SMYD1: variants seen among roughly 807,000 people sequenced by gnomAD.
SMYD1 encodes SET and MYND domain containing 1.
In SMYD1, 49 loss-of-function variants were observed where a neutral mutation model predicts 54.0. That is an observed-to-expected ratio of 0.91 (90% CI 0.72 to 1.15). SMYD1 has a LOEUF of 1.15. Among genes scored for constraint, SMYD1 ranks in the 50% most tolerant of loss-of-function variants. SMYD1 has a pLI of 0.00. For synonymous variants in SMYD1, 269 were observed against 234.2 expected, an observed-to-expected ratio of 1.15 and a Z score of -1.36; for missense variants, 653 against 639.6, an observed-to-expected ratio of 1.02 and a Z score of -0.23.
intron 1 of SMYD1, among the ~76,000 whole-genome samples, chr2:88,081,597 A>G (rs1321062962): frequency 1.3e-5 from 2 of 151,944 alleles, no homozygotes; most frequent in Admixed American, 1.3e-4. Context: ...CACCATGCCC[A>G]ACTAATTTCT....
chr2:88,078,612 T>C (rs1674122029), intron 1 of SMYD1, among the ~76,000 whole-genome samples: 4 of 152,172 alleles, frequency 2.6e-5, no homozygotes, highest in African/African-American at 9.7e-5. Context: ...TCAGACTACA[T>C]TTGAAGGAAA....
intron 3 of SMYD1, among the ~76,000 whole-genome samples, chr2:88,088,877 C>T (rs566520328): frequency 6.6e-6 from 1 of 152,162 alleles, no homozygotes; most frequent in South Asian, 2.1e-4. Flanking sequence ...GGGGCGAGAA[C>T]CCGGTGGATG....
intron 3 of SMYD1, among the ~76,000 whole-genome samples, chr2:88,088,503 C>A (rs1674390854): frequency 2.0e-5 from 3 of 152,106 alleles, no homozygotes. Flanking sequence ...GAAGTGAAGA[C>A]CCCTCATCCT....
chr2:88,087,375 G>T (rs2103992421), intron 2 of SMYD1, among the ~76,000 whole-genome samples: 1 of 152,170 alleles, frequency 6.6e-6, no homozygotes, highest in East Asian at 1.9e-4. Flanking sequence ...CCTGGCTCCT[G>T]CCCACACCTC....
At chr2:88,071,922 T>C (rs2919878) in intron 1 of SMYD1, among the ~76,000 whole-genome samples, 130,279 of 151,550 alleles carry the variant, frequency 0.86, 56,096 homozygotes, top group East Asian at 1. Context: ...TAGCATGGGG[T>C]CAAACTGGGA....
At chr2:88,082,595 T>C (rs974005510) in intron 1 of SMYD1, 1 of 154,406 alleles carries the variant, frequency 6.5e-6, no homozygotes, top group South Asian at 2.0e-4. Flanking sequence ...CCCCTGGCAC[T>C]GGCCAGCACA....
intron 5 of SMYD1, among the ~76,000 whole-genome samples, chr2:88,094,153 C>T (rs1428525850): frequency 6.6e-6 from 1 of 152,096 alleles, no homozygotes; most frequent in Non-Finnish European, 1.5e-5. Context: ...GAACAAAATG[C>T]TGTGTGAGAG....
chr2:88,096,848 T>C lies in SMYD1; in HGVS notation c.888+64T>C. On this transcript the variant is annotated intron_variant, in intron 6 of 9. Coordinates refer to ENST00000419482, the MANE Select transcript of SMYD1 (RefSeq NM_198274.4). ...TTCTCCGGGAGCCAGTCACAGGTGG[T>C]TTCACAGCTAATCCGTGTGCCCTGC... 10 of 1,521,074 alleles carry C rather than the reference T, an allele frequency of 6.6e-6. No homozygotes were observed. In the South Asian group the frequency reaches 1.2e-4, roughly 19 times the overall value. The allele number at this position is 1,521,074 out of a possible 1,614,324, so 94.2% of individuals were successfully genotyped here. A position where few individuals can be genotyped will look rare whatever the true frequency, so the allele number is the denominator to read the frequency against.
chr2:88,087,125 C>T (rs935560843), intron 2 of SMYD1, among the ~76,000 whole-genome samples: 2 of 149,162 alleles, frequency 1.3e-5, no homozygotes, highest in South Asian at 4.3e-4. Context: ...ACACACAATG[C>T]AGACACCTAT....
intron 4 of SMYD1, among the ~76,000 whole-genome samples, chr2:88,092,481 C>CA (rs1278601565): frequency 6.6e-6 from 1 of 152,178 alleles, no homozygotes; most frequent in African/African-American, 2.4e-5. Flanking sequence ...AAGTTTCCCC[C>CA]AAAAACTTCC....
intron 7 of SMYD1, 29 bp downstream of exon 7, chr2:88,103,179 G>T (rs1423641526): frequency 6.3e-7 from 1 of 1,596,896 alleles, no homozygotes; most frequent in African/African-American, 1.3e-5. Flanking sequence ...TAGAGGATGG[G>T]GGTAGAAAGG....
Position 88,084,468 on chromosome 2 carries a change from G to A in SMYD1, c.290G>A (p.Gly97Glu). The change falls in exon 2 of 10, where the codon GGG becomes GAG. Residue 97 changes from glycine to glutamate, a missense_variant. Transcript: ENST00000419482. ...GAATGTTCGGCCATCAAGAGATATGGGAAGGTGCCCAATGAGAACATCAGG... is the reference window on the plus strand; with the variant it reads ...GAATGTTCGGCCATCAAGAGATATGAGAAGGTGCCCAATGAGAACATCAGG... ...KNECSAIKRY[G>E]KVPNENIRLA... 6.3e-7 allele frequency: 1 copy of A among 1,595,864 alleles called. No individual in the cohort carries two copies. The highest frequency in any genetic ancestry group is 8.6e-7 in the Non-Finnish European group (1 of 1,165,264).
intron 3 of SMYD1, among the ~76,000 whole-genome samples, chr2:88,088,845 G>C (rs1674399470): frequency 6.6e-6 from 1 of 152,152 alleles, no homozygotes; most frequent in Non-Finnish European, 1.5e-5. Context: ...AGCCAGACGA[G>C]GCCATAAGAG....
intron 3 of SMYD1, among the ~76,000 whole-genome samples, chr2:88,089,519 T>G (rs1347164152): frequency 6.6e-6 from 1 of 151,304 alleles, no homozygotes; most frequent in African/African-American, 2.4e-5. Context: ...AAAAGCCACA[T>G]GGTCAGCTTG....
intron 1 of SMYD1, 74 bp downstream of exon 1, chr2:88,068,075 A>G: frequency 6.6e-7 from 1 of 1,512,576 alleles, no homozygotes; most frequent in South Asian, 1.3e-5. Flanking sequence ...TTTGCTCTCA[A>G]AAATCATCAG....
rs1049428656 is a variant in SMYD1 at position 88,099,329 on chromosome 2, G to T, written c.888+2545G>T. ...TCAAATTCCTGGCCTCAAGTGATCCGCCCGCCTCAGCCTCTTGAAGTGCCG... is the reference window on the plus strand; with the variant it reads ...TCAAATTCCTGGCCTCAAGTGATCCTCCCGCCTCAGCCTCTTGAAGTGCCG... On this transcript the variant is annotated intron_variant, in intron 6 of 9. Coordinates refer to ENST00000419482, the MANE Select transcript of SMYD1 (RefSeq NM_198274.4). Among the ~76,000 whole-genome samples the T allele has an allele frequency of 5.3e-5, 8 of 151,830 alleles. 1 individual carries two copies. The highest frequency in any genetic ancestry group is 1.9e-4 in the African/African-American group (8 of 41,480).
rs1242834923 is a variant in SMYD1 at position 88,111,861 on chromosome 2, C to A, written c.*1349C>A. ...TTGGGGTGTCACCAAGACTTCTACA[C>A]AACCCAGGACTACCATTGACCTCAG... On this transcript the variant is annotated 3_prime_UTR_variant, in exon 10 of 10. Coordinates refer to ENST00000419482, the MANE Select transcript of SMYD1 (RefSeq NM_198274.4). 7.7e-6 allele frequency: 4 copies of A among 517,812 alleles called. No homozygotes were observed. Among genetic ancestry groups the A allele is most frequent in the Non-Finnish European group, 1.4e-5 (4 of 289,198 alleles). The allele number at this position is 517,812 out of a possible 1,614,324, so 32.1% of individuals were successfully genotyped here. A position where few individuals can be genotyped will look rare whatever the true frequency, so the allele number is the denominator to read the frequency against.
chr2:88,106,600 G>T, intron 8 of SMYD1, 112 bp downstream of exon 8: 1 of 1,108,890 alleles, frequency 9.0e-7, no homozygotes. Context: ...CACAGCAGGC[G>T]TCAGTAATCC....
chr2:88,071,863 G>A (rs1673953774), intron 1 of SMYD1, among the ~76,000 whole-genome samples: 1 of 152,120 alleles, frequency 6.6e-6, no homozygotes, highest in Non-Finnish European at 1.5e-5. Context: ...GGGAAAGTGA[G>A]TGGGAGCTCT....
Sources: gnomAD v4.1 joint callset for allele counts (sites outside exome capture counted in the v4.1 genomes callset) on GRCh38, gnomAD v4.1.1 for gene constraint, MANE v1.5 for transcripts, NCBI Gene and HGNC (gene_info 2026-07-23, HGNC 2026-07-21) for gene names.